The following HIPK2 variants were observed in gnomAD, a reference collection of about 807,000 sequenced individuals.
HIPK2 encodes the protein homeodomain interacting protein kinase 2.
Under a neutral mutation model 113.7 loss-of-function variants are expected in HIPK2, and 27 were observed. That is an observed-to-expected ratio of 0.24 (90% confidence interval 0.17 to 0.33). The LOEUF is 0.33. HIPK2 is among the 10% of genes least tolerant of loss of function. The pLI, the probability that HIPK2 is intolerant of heterozygous loss-of-function variation, is 1.00. For synonymous variants in HIPK2, 631 were observed against 642.2 expected (o/e 0.98, Z 0.26); for missense variants, 1,257 against 1,588.0 (o/e 0.79, Z 3.54).
At chr7:139,624,277 C>T (rs896356586) in intron 6 of HIPK2, among the ~76,000 whole-genome samples, 2 of 152,218 alleles carry the variant, frequency 1.3e-5, no homozygotes, top group African/African-American at 4.8e-5. Flanking sequence ...CCCTCCTTGG[C>T]TTCCCAAAGT....
chr7:139,605,585 A>C (rs1799592205), intron 9 of HIPK2, among the ~76,000 whole-genome samples: 1 of 152,164 alleles, frequency 6.6e-6, no homozygotes, highest in African/African-American at 2.4e-5. Flanking sequence ...GGCCTAAAAA[A>C]CATTGACGCT....
chr7:139,619,366 T>C (rs1016862254), intron 7 of HIPK2, among the ~76,000 whole-genome samples: 7 of 152,180 alleles, frequency 4.6e-5, no homozygotes, highest in East Asian at 1.9e-4. Context: ...ACTAGGAGGA[T>C]TGAAAGATGG....
chr7:139,656,171 C>A (rs991033604), intron 2 of HIPK2, among the ~76,000 whole-genome samples: 1 of 152,158 alleles, frequency 6.6e-6, no homozygotes. Flanking sequence ...CACTGCCAGG[C>A]ATCTACCACC....
intron 6 of HIPK2, among the ~76,000 whole-genome samples, chr7:139,623,288 A>G (rs1800301603): frequency 6.6e-6 from 1 of 152,166 alleles, no homozygotes; most frequent in Non-Finnish European, 1.5e-5. Flanking sequence ...AGGCGGGCAG[A>G]TCACCTGAGG....
intron 6 of HIPK2, 79 bp downstream of exon 6, chr7:139,626,522 C>T (rs1040203997): frequency 2.1e-5 from 31 of 1,493,382 alleles, no homozygotes; most frequent in South Asian, 6.3e-5. Context: ...ACCTTATGGC[C>T]GCAAAACCTA....
At chr7:139,744,939 C>T (rs1796165954) in intron 1 of HIPK2, among the ~76,000 whole-genome samples, 2 of 152,242 alleles carry the variant, frequency 1.3e-5, no homozygotes, top group African/African-American at 4.8e-5. Context: ...TCACGTTAAG[C>T]GGCATCTCGC....
In HIPK2 at chr7:139,715,940, T is replaced by C; in HGVS notation, c.1095A>G (p.Arg365=). 1.2e-6 allele frequency: 2 copies of C among 1,613,860 alleles called. No homozygotes were observed. Among genetic ancestry groups the C allele is most frequent in the African/African-American group, 1.3e-5 (1 of 75,010 alleles). Residue 365 remains arginine, a synonymous_variant, in exon 2 of 15, where the codon AGA becomes AGG. Transcript: ENST00000406875. Reference sequence around the variant, plus strand: ...CTTGTGGACGGTCTTACCTGTAATATCTGGACTGCAAGTAGGTGGAGCACA... The same window carrying C: ...CTTGTGGACGGTCTTACCTGTAATACCTGGACTGCAAGTAGGTGGAGCACA... ...KAVCSTYLQS[R]YYRAPEIILG...
In HIPK2 at chr7:139,583,113, C is replaced by T. The variant is rs753252694; in HGVS notation, c.2965+704G>A. ...TGGTTTGTGGCGGAATAGCGGGACG[C>T]GCAGACTTCTTCTGGTTTAGTCCCC... On this transcript the variant is annotated intron_variant, in intron 13 of 14. Transcript: ENST00000406875. Among the ~76,000 whole-genome samples, 16 of 152,238 alleles carry T rather than the reference C, an allele frequency of 1.1e-4. No homozygotes were observed. In the East Asian group the frequency reaches 1.3e-3, roughly 13 times the overall value.
At chr7:139,652,980 A>T (rs1801517440) in intron 2 of HIPK2, among the ~76,000 whole-genome samples, 2 of 151,994 alleles carry the variant, frequency 1.3e-5, no homozygotes, top group Admixed American at 1.3e-4. Context: ...CTCTACTAAA[A>T]ATACAAAAAT....
rs185215965 is a variant in HIPK2, at chr7:139,655,144, T to C, written c.1104-23419A>G. Among the ~76,000 whole-genome samples the C allele has an allele frequency of 4.6e-5, 7 of 152,330 alleles. No individual in the cohort carries two copies. In the East Asian group the frequency reaches 1.3e-3, roughly 29 times the overall value. Reference sequence around the variant, plus strand: ...TCCCCAGCCTGGAGCTGAGTATTGATGAGCCAGTTACTGAATTCTCAGTGC... The same window carrying C: ...TCCCCAGCCTGGAGCTGAGTATTGACGAGCCAGTTACTGAATTCTCAGTGC... On this transcript the variant is annotated intron_variant, in intron 2 of 14. Transcript: ENST00000406875.
At chr7:139,637,841 G>C (rs1800862518) in intron 2 of HIPK2, among the ~76,000 whole-genome samples, 1 of 152,170 alleles carries the variant, frequency 6.6e-6, no homozygotes, top group African/African-American at 2.4e-5. Context: ...GGGCATGAGG[G>C]GGCAGGATTT....
chr7:139,691,262 C>G (rs1445125630), intron 2 of HIPK2, among the ~76,000 whole-genome samples: 2 of 152,208 alleles, frequency 1.3e-5, no homozygotes, highest in Admixed American at 6.5e-5. Context: ...GTGCAAACAT[C>G]TGGCACCCTT....
In HIPK2 at chr7:139,564,594, G is replaced by A. The variant is rs1798039901; in HGVS notation, c.*8333C>T. The A allele has an allele frequency of 6.6e-6, 1 of 152,132 alleles. No individual in the cohort carries two copies. The highest frequency in any genetic ancestry group is 1.5e-5 in the Non-Finnish European group (1 of 68,032). The allele number at this position is 152,132 out of a possible 1,614,324, so 9.4% of individuals were successfully genotyped here. Reference sequence around the variant, plus strand: ...CTTTCATGTTCTCTTGAGTTCACGTGGAAAGTAATAATCCAGAGGGAAGTG... The same window carrying A: ...CTTTCATGTTCTCTTGAGTTCACGTAGAAAGTAATAATCCAGAGGGAAGTG... On this transcript the variant is annotated 3_prime_UTR_variant, in exon 15 of 15. Transcript: ENST00000406875.
At chr7:139,719,501 T>G (rs1248627437) in intron 1 of HIPK2, among the ~76,000 whole-genome samples, 2 of 152,228 alleles carry the variant, frequency 1.3e-5, no homozygotes, top group African/African-American at 4.8e-5. Flanking sequence ...CACCTCTGTG[T>G]AGGTGACCCC....
intron 7 of HIPK2, among the ~76,000 whole-genome samples, chr7:139,619,387 TAC>T (rs944077217): frequency 1.3e-5 from 2 of 152,208 alleles, no homozygotes; most frequent in Non-Finnish European, 2.9e-5. Context: ...GAGTAGGAGT[TAC>T]AGTTTCTTAG....
chr7:139,716,596 T>C lies in HIPK2; in HGVS notation c.439A>G (p.Ile147Val), dbSNP rs1189944913. 2 of 1,613,968 alleles carry C rather than the reference T, an allele frequency of 1.2e-6. No individual in the cohort carries two copies. Among genetic ancestry groups the C allele is most frequent in the Non-Finnish European group, 1.7e-6 (2 of 1,179,854 alleles). Residue 147 changes from isoleucine (I) to valine (V), a missense_variant, in exon 2 of 15, where the codon ATC (isoleucine) becomes GTC (valine). By Grantham distance (29) the Ile-to-Val change is conservative (BLOSUM62 3). This residue lies in a region of HIPK2 where 209 missense variants were observed against 237.8 expected (regional missense o/e 0.88). Coordinates refer to ENST00000406875, the MANE Select transcript of HIPK2 (RefSeq NM_022740.5). This position sits in a 1 kb window ranked among gnomAD's most constrained non-coding sequence, Gnocchi z 9.3. ...EIENTSSVQI[I>V]EEHPPMIQNN... ...TGAATCATGGGTGGATGCTCCTCGA[T>C]GATCTGCACGCTGCTTGTGTTCTCG...
At chr7:139,771,256 GCT>G (rs757691412) in intron 1 of HIPK2, among the ~76,000 whole-genome samples, 7 of 152,074 alleles carry the variant, frequency 4.6e-5, no homozygotes, top group Non-Finnish European at 8.8e-5. Context: ...CTGTGTGCTT[GCT>G]CTTCTTTCAA....
At position 139,722,008 on chromosome 7, in the gene HIPK2, T is replaced by C. The variant is rs565114087; in HGVS notation, c.20-4993A>G. 1.4e-4 allele frequency: 64 copies of C among 473,494 alleles called. No homozygotes were observed. In the Admixed American group the frequency reaches 1.4e-3, roughly 10 times the overall value. 29.3% of individuals were successfully genotyped at this position (473,494 alleles called of 1,614,324 possible). ...AAGCTTTTAACAAGTAGCATGCCTA[T>C]TACCATACCACTCTGTCTCATAAAC... On this transcript the variant is annotated intron_variant, in intron 1 of 14. Transcript: ENST00000406875.
At chr7:139,767,378 A>C (rs1417536502) in intron 1 of HIPK2, among the ~76,000 whole-genome samples, 1 of 152,230 alleles carries the variant, frequency 6.6e-6, no homozygotes, top group Non-Finnish European at 1.5e-5. Flanking sequence ...CTTCACACCT[A>C]CAAGTAAAAC....
Sources: gnomAD v4.1 joint callset for allele counts (sites outside exome capture counted in the v4.1 genomes callset) on GRCh38, gnomAD v4.1.1 for gene constraint, gnomAD v4.1.1 regional missense constraint, Gnocchi (gnomAD v3.1) non-coding constraint, MANE v1.5 for transcripts, NCBI Gene and HGNC (gene_info 2026-07-23, HGNC 2026-07-21) for gene names.